TENM2: variants seen among roughly 807,000 people sequenced by gnomAD.
The protein encoded by TENM2 is teneurin-2.
Under a neutral mutation model 245.2 loss-of-function variants are expected in TENM2, and 52 were observed. That is an observed-to-expected ratio of 0.21 (90% CI 0.17 to 0.27). The LOEUF is 0.27. Among genes scored for constraint, TENM2 ranks in the 10% least tolerant of loss-of-function variants. The pLI, the probability that TENM2 is intolerant of heterozygous loss-of-function variation, is 1.00. For missense variants in TENM2, 3,046 were observed against 3,666.8 expected, an observed-to-expected ratio of 0.83 and a Z score of 4.37; for synonymous variants, 1,363 against 1,438.9, an observed-to-expected ratio of 0.95 and a Z score of 1.19.
chr5:167,986,289 A>T (rs1374561965), intron 4 of TENM2, among the ~76,000 whole-genome samples: 1 of 152,204 alleles, frequency 6.6e-6, no homozygotes, highest in African/African-American at 2.4e-5. Context: ...GACATTTACC[A>T]AAAAGGTTGA....
At chr5:167,798,395 G>A (rs1249672145) in intron 2 of TENM2, among the ~76,000 whole-genome samples, 1 of 152,232 alleles carries the variant, frequency 6.6e-6, no homozygotes, top group African/African-American at 2.4e-5. Context: ...ACAGCAGAGA[G>A]CAAGTTCCTG....
chr5:168,078,102 T>G (rs1263868536), intron 7 of TENM2, among the ~76,000 whole-genome samples: 1 of 152,190 alleles, frequency 6.6e-6, no homozygotes, highest in Non-Finnish European at 1.5e-5. Context: ...GTTTCCTGAT[T>G]TTTTAATGAT....
chr5:167,664,068 T>C (rs1156570030), intron 2 of TENM2, among the ~76,000 whole-genome samples: 2 of 152,218 alleles, frequency 1.3e-5, no homozygotes, highest in Admixed American at 6.5e-5. Context: ...AGTGAAGTTA[T>C]GTTATCTGGA....
chr5:167,009,185 T>C, the TENM2 span, among the ~76,000 whole-genome samples: 5 of 152,140 alleles, frequency 3.3e-5, no homozygotes, highest in African/African-American at 1.2e-4. Context: ...GATTACACAA[T>C]CGGATGTACA....
At chr5:167,317,002 C>T (rs1370271017) in intron 1 of TENM2, among the ~76,000 whole-genome samples, 1 of 152,070 alleles carries the variant, frequency 6.6e-6, no homozygotes, top group African/African-American at 2.4e-5. Context: ...ATGTCTCAGT[C>T]CTCTCCTCAT....
chr5:167,353,580 T>C (rs1295551331), intron 1 of TENM2, among the ~76,000 whole-genome samples: 8 of 131,592 alleles, frequency 6.1e-5, no homozygotes, highest in South Asian at 2.8e-4. Flanking sequence ...GGATCTCGGC[T>C]CACTGCAAGC....
intron 4 of TENM2, among the ~76,000 whole-genome samples, chr5:167,976,406 T>C (rs1010792616): frequency 2.6e-5 from 4 of 152,166 alleles, no homozygotes; most frequent in African/African-American, 9.7e-5. Flanking sequence ...AGTACTGGGA[T>C]ATTTATGATA....
intron 4 of TENM2, among the ~76,000 whole-genome samples, chr5:167,962,397 A>G (rs888186969): frequency 1.3e-5 from 2 of 152,226 alleles, no homozygotes; most frequent in African/African-American, 4.8e-5. Flanking sequence ...GAAATCCAGC[A>G]CAAGGTGCAA....
At chr5:167,215,787 A>G in the TENM2 span, among the ~76,000 whole-genome samples, 1 of 152,204 alleles carries the variant, frequency 6.6e-6, no homozygotes, top group African/African-American at 2.4e-5. Context: ...GGGCCAAGCC[A>G]TTTTATACAC....
chr5:167,131,131 A>G, the TENM2 span, among the ~76,000 whole-genome samples: 4 of 152,136 alleles, frequency 2.6e-5, no homozygotes, highest in African/African-American at 9.7e-5. Context: ...TGGCTTAGCA[A>G]TATCTCATCA....
In TENM2 at chr5:168,029,061, G is replaced by C. The variant is rs370482496; in HGVS notation, c.1187-18366G>C. Among the ~76,000 whole-genome samples the C allele has an allele frequency of 2.6e-4, 39 of 152,280 alleles. 3 individuals are homozygous for C. The South Asian group carries it at 7.7e-3, about 30-fold the overall frequency. The stretch of plus-strand genomic sequence containing the variant: ...ACTTATTTCTTGGGTCTGGAGGCTG[G>C]GAAGTCCAAGATCAAGGCACCTGCA... On this transcript the variant is annotated intron_variant, in intron 5 of 28. Transcript: ENST00000518659.
intron 1 of TENM2, among the ~76,000 whole-genome samples, chr5:167,317,591 A>G (rs1756446804): frequency 6.6e-6 from 1 of 152,194 alleles, no homozygotes; most frequent in Admixed American, 6.5e-5. Context: ...TCCACTGTCA[A>G]GAGCAATCTC....
At chr5:167,993,000 C>G in exon 5 of TENM2, 2 of 1,613,954 alleles carry the variant, frequency 1.2e-6, no homozygotes, top group Non-Finnish European at 1.7e-6. Flanking sequence ...AGCTCTTCCC[C>G]GGGATACCCT....
the TENM2 span, among the ~76,000 whole-genome samples, chr5:167,131,990 T>C: frequency 6.6e-6 from 1 of 152,036 alleles, no homozygotes; most frequent in African/African-American, 2.4e-5. Flanking sequence ...GCCCGGATAA[T>C]TTTTGTATTT....
chr5:167,790,986 C>T (rs1583019153), intron 2 of TENM2, among the ~76,000 whole-genome samples: 1 of 152,098 alleles, frequency 6.6e-6, no homozygotes, highest in Non-Finnish European at 1.5e-5. Flanking sequence ...TTTTTCACCC[C>T]AACCCCCAGA....
intron 3 of TENM2, among the ~76,000 whole-genome samples, chr5:167,939,644 C>T (rs1779014170): frequency 6.6e-6 from 1 of 152,196 alleles, no homozygotes; most frequent in South Asian, 2.1e-4. Context: ...ACATACTTGT[C>T]AGCATAGGGT....
intron 2 of TENM2, among the ~76,000 whole-genome samples, chr5:167,491,182 G>A (rs1768409542): frequency 1.3e-5 from 2 of 152,112 alleles, no homozygotes; most frequent in African/African-American, 2.4e-5. Flanking sequence ...TTAGGCACAC[G>A]ATGGAGGCAA....
the TENM2 span, among the ~76,000 whole-genome samples, chr5:167,188,680 T>C: frequency 6.6e-6 from 1 of 152,188 alleles, no homozygotes; most frequent in Non-Finnish European, 1.5e-5. Flanking sequence ...AAATGATTGT[T>C]CCTGATGAAA....
At chr5:167,392,042 C>G (rs771036999) in intron 2 of TENM2, among the ~76,000 whole-genome samples, 7 of 152,060 alleles carry the variant, frequency 4.6e-5, no homozygotes, top group Non-Finnish European at 8.8e-5. Flanking sequence ...TGTGATTTTT[C>G]TTTAGGGTTC....
Sources: gnomAD v4.1 joint callset for allele counts (sites outside exome capture counted in the v4.1 genomes callset) on GRCh38, gnomAD v4.1.1 for gene constraint, MANE v1.5 for transcripts, NCBI Gene and HGNC (gene_info 2026-07-23, HGNC 2026-07-21) for gene names.